USP32: variants seen among roughly 807,000 people sequenced by gnomAD.
USP32 encodes the protein ubiquitin carboxyl-terminal hydrolase 32.
In USP32, 59 loss-of-function variants were observed where a neutral mutation model predicts 204.8. The ratio of observed to expected loss-of-function variants is 0.29; its 90% confidence interval spans 0.23 to 0.36. USP32 has a LOEUF of 0.36. Among genes scored for constraint, USP32 ranks in the 10% least tolerant of loss-of-function variants. The pLI is 1.00. For missense variants in USP32, 1,160 were observed against 1,946.4 expected, an observed-to-expected ratio of 0.60 and a Z score of 7.60; for synonymous variants, 517 against 678.4, an observed-to-expected ratio of 0.76 and a Z score of 3.70.
intron 2 of USP32, among the ~76,000 whole-genome samples, chr17:60,337,909 C>A (rs767847952): frequency 2.0e-5 from 3 of 151,644 alleles, no homozygotes; most frequent in Non-Finnish European, 4.4e-5. Context: ...TTAGACAAGA[C>A]GTACATGAAC....
At chr17:60,216,679 G>A (rs1229836787) in intron 16 of USP32, among the ~76,000 whole-genome samples, 1 of 152,086 alleles carries the variant, frequency 6.6e-6, no homozygotes, top group Non-Finnish European at 1.5e-5. Flanking sequence ...CTGTAAGAAG[G>A]TTTGAATACT....
chr17:60,282,255 C>G lies in USP32; in HGVS notation c.571+6268G>C, dbSNP rs368212546. ...ATGTTCTATATCTGATATCATTTAG[C>G]TAACCAAAAGTTTTAGAAGGAAGAC... On this transcript the variant is annotated intron_variant, in intron 5 of 33. Coordinates refer to ENST00000300896, the MANE Select transcript of USP32 (RefSeq NM_032582.4). Among the ~76,000 whole-genome samples the G allele has an allele frequency of 2.6e-5, 4 of 152,194 alleles. No homozygotes were observed. The East Asian group carries it at 7.7e-4, about 29-fold the overall frequency.
At chr17:60,253,318 A>C (rs2086215126) in intron 10 of USP32, among the ~76,000 whole-genome samples, 1 of 152,168 alleles carries the variant, frequency 6.6e-6, no homozygotes, top group South Asian at 2.1e-4. Flanking sequence ...TCAACTGTAC[A>C]TGAGCAATAC....
rs553765387 is a variant in USP32, at chr17:60,421,502, A to C, written c.106+744T>G. 24 of 985,456 alleles carry C rather than the reference A, an allele frequency of 2.4e-5. No homozygotes were observed. In the South Asian group the frequency reaches 9.9e-4, roughly 40 times the overall value. 61.0% of individuals were successfully genotyped at this position (985,456 alleles called of 1,614,324 possible). The stretch of plus-strand genomic sequence containing the variant: ...AACAGGGCCACACTGAGTGGGGACA[A>C]CTGGGCCCGGGCCCAGAGGACACGA... On this transcript the variant is annotated intron_variant, in intron 1 of 3. Transcript: ENST00000588898.
At chr17:60,281,129 A>G (rs1406005159) in intron 5 of USP32, among the ~76,000 whole-genome samples, 2 of 152,236 alleles carry the variant, frequency 1.3e-5, no homozygotes, top group Non-Finnish European at 2.9e-5. Flanking sequence ...ACAGCCCTCT[A>G]TTTGAAAATT....
chr17:60,330,744 G>C (rs1306330926), intron 2 of USP32, among the ~76,000 whole-genome samples: 1 of 151,936 alleles, frequency 6.6e-6, no homozygotes, highest in African/African-American at 2.4e-5. Context: ...ATGGGGTCTC[G>C]CTGTGTTGGC....
At chr17:60,207,163 G>A (rs1477593767) in intron 24 of USP32, 31 bp from the exon 25 acceptor site, 6 of 1,593,274 alleles carry the variant, frequency 3.8e-6, no homozygotes, top group Non-Finnish European at 4.3e-6. Flanking sequence ...TGAGAAGGGG[G>A]AGATGTTTCA....
chr17:60,248,533 T>C (rs1405347733), intron 11 of USP32, among the ~76,000 whole-genome samples: 1 of 152,228 alleles, frequency 6.6e-6, no homozygotes, highest in East Asian at 1.9e-4. Context: ...GAAACTCTGT[T>C]CATTTATTTG....
At chr17:60,242,895 T>G (rs927306645) in intron 11 of USP32, among the ~76,000 whole-genome samples, 1 of 152,364 alleles carries the variant, frequency 6.6e-6, no homozygotes, top group Non-Finnish European at 1.5e-5. Flanking sequence ...AATTTAGGAA[T>G]AGCTTGTCAA....
chr17:60,393,708 G>A (rs1170208773), upstream of USP32, among the ~76,000 whole-genome samples: 1 of 150,928 alleles, frequency 6.6e-6, no homozygotes, highest in Non-Finnish European at 1.5e-5. Context: ...TTTTGAGACG[G>A]AGTTTCACCC....
chr17:60,191,430 TATAG>T (rs1254905897), intron 28 of USP32, among the ~76,000 whole-genome samples: 1 of 145,536 alleles, frequency 6.9e-6, no homozygotes, highest in Admixed American at 6.9e-5. Context: ...AAAAAAAGTT[TATAG>T]AGTTGCAGAG....
At chr17:60,243,658 G>C (rs189101079) in intron 11 of USP32, among the ~76,000 whole-genome samples, 157 of 152,270 alleles carry the variant, frequency 1.0e-3, no homozygotes, top group Non-Finnish European at 1.2e-3. Context: ...ACTTAAAACG[G>C]TAAAAACATT....
chr17:60,204,817 C>T (rs1019163961), intron 26 of USP32, among the ~76,000 whole-genome samples: 4 of 151,730 alleles, frequency 2.6e-5, no homozygotes, highest in African/African-American at 9.7e-5. Flanking sequence ...CTTGCCCAGC[C>T]TGGAATGTGT....
chr17:60,385,374 T>C (rs2089712657), intron 1 of USP32, among the ~76,000 whole-genome samples: 1 of 152,106 alleles, frequency 6.6e-6, no homozygotes, highest in Non-Finnish European at 1.5e-5. Flanking sequence ...AAAGTCTGTT[T>C]GGTGGTCTCT....
chr17:60,203,760 A>G (rs2145470936), intron 26 of USP32, among the ~76,000 whole-genome samples: 1 of 152,248 alleles, frequency 6.6e-6, no homozygotes, highest in South Asian at 2.1e-4. Flanking sequence ...TATTTTTAAT[A>G]GAGACGGGGT....
Position 60,286,515 on chromosome 17 carries a change from G to A in USP32, c.571+2008C>T, listed in dbSNP as rs2087116441. On this transcript the variant is annotated intron_variant, in intron 5 of 33. Transcript: ENST00000300896. ...AAGGAATAATTCTTTTCTAGGGACTGAGGCAGAGCAGGAGGCACCTTTTGA... is the reference window on the plus strand; with the variant it reads ...AAGGAATAATTCTTTTCTAGGGACTAAGGCAGAGCAGGAGGCACCTTTTGA... 2.0e-5 allele frequency among the ~76,000 whole-genome samples: 3 copies of A among 152,302 alleles called. No homozygotes were observed. In the South Asian group the frequency reaches 6.2e-4, roughly 32 times the overall value.
intron 26 of USP32, among the ~76,000 whole-genome samples, chr17:60,201,301 C>T (rs2084668952): frequency 6.6e-6 from 1 of 152,152 alleles, no homozygotes; most frequent in South Asian, 2.1e-4. Flanking sequence ...ATCCCTTCTA[C>T]AACTAATGGA....
chr17:60,318,858 A>G (rs891010231), intron 2 of USP32, among the ~76,000 whole-genome samples: 1 of 152,210 alleles, frequency 6.6e-6, no homozygotes, highest in African/African-American at 2.4e-5. Context: ...TGAGTGAAAA[A>G]TTGACCACTT....
At chr17:60,380,061 ATAAG>A (rs1280669517) in intron 1 of USP32, among the ~76,000 whole-genome samples, 2 of 152,240 alleles carry the variant, frequency 1.3e-5, no homozygotes, top group Non-Finnish European at 2.9e-5. Context: ...TTCAAAGGAG[ATAAG>A]TAAGTTCAGG....
Sources: gnomAD v4.1 joint callset for allele counts (sites outside exome capture counted in the v4.1 genomes callset) on GRCh38, gnomAD v4.1.1 for gene constraint, MANE v1.5 for transcripts, NCBI Gene and HGNC (gene_info 2026-07-23, HGNC 2026-07-21) for gene names.